Variants in DAB1 observed in about 807,000 individuals in gnomAD.
DAB1 encodes the protein disabled homolog 1.
A neutral mutation model predicts 64.6 loss-of-function variants in DAB1; 15 were observed. The observed-to-expected ratio is 0.23, with a 90% CI of 0.16 to 0.36. The LOEUF (loss-of-function observed/expected upper bound fraction) is 0.36. Ranked by LOEUF, DAB1 falls within the 10% of genes least tolerant of loss-of-function variation. DAB1 has a pLI of 1.00. For missense variants in DAB1, 596 were observed against 706.7 expected (o/e 0.84, Z 1.78); for synonymous variants, 235 against 251.9 (o/e 0.93, Z 0.64).
intron 7 of DAB1, among the ~76,000 whole-genome samples, chr1:57,451,555 A>G (rs1570533038): frequency 6.6e-6 from 1 of 152,246 alleles, no homozygotes; most frequent in Admixed American, 6.5e-5. Context: ...TCTCATGCAC[A>G]TTAAGTTTGA....
At position 58,220,734 on chromosome 1, in the gene DAB1, T is replaced by C. The variant is rs546767640; in HGVS notation, n.310-70146A>G. On this transcript the variant is annotated intron_variant and non_coding_transcript_variant, in intron 4 of 20. Coordinates refer to the DAB1 transcript ENST00000485760. Reference sequence around the variant, plus strand: ...TAAAATGGAGATAATGTTACCCTTATTATAGAGTTTCTGGGATAATTCAAT... The same window carrying C: ...TAAAATGGAGATAATGTTACCCTTACTATAGAGTTTCTGGGATAATTCAAT... Among the ~76,000 whole-genome samples, 8 of 152,228 alleles carry C rather than the reference T, an allele frequency of 5.3e-5. No homozygotes were observed. In the South Asian group the frequency reaches 1.7e-3, roughly 32 times the overall value.
intron 6 of DAB1, among the ~76,000 whole-genome samples, chr1:57,665,863 G>C (rs1423705811): frequency 3.3e-5 from 5 of 150,068 alleles, no homozygotes; most frequent in Non-Finnish European, 5.9e-5. Flanking sequence ...GTGTGTGTGT[G>C]TGTGTGTGTG....
At chr1:57,741,605 G>C (rs1417641962) in intron 6 of DAB1, among the ~76,000 whole-genome samples, 1 of 152,358 alleles carries the variant, frequency 6.6e-6, no homozygotes, top group East Asian at 1.9e-4. Flanking sequence ...ATTTCTCAGA[G>C]AAGTAGGTGA....
intron 9 of DAB1, among the ~76,000 whole-genome samples, chr1:57,059,496 C>G (rs1212729764): frequency 6.6e-6 from 1 of 152,074 alleles, no homozygotes; most frequent in Non-Finnish European, 1.5e-5. Flanking sequence ...ATTTGTCTTT[C>G]TGGCTAAGGG....
At chr1:58,175,991 T>G (rs1015110191) in intron 4 of DAB1, among the ~76,000 whole-genome samples, 1 of 152,224 alleles carries the variant, frequency 6.6e-6, no homozygotes, top group African/African-American at 2.4e-5. Flanking sequence ...GAAGATCTAA[T>G]AGCACTGGGC....
intron 7 of DAB1, among the ~76,000 whole-genome samples, chr1:57,440,109 T>A (rs545551463): frequency 6.6e-6 from 1 of 152,208 alleles, no homozygotes; most frequent in Non-Finnish European, 1.5e-5. Context: ...TATTCTCATT[T>A]TTTGAAATTC....
chr1:57,575,902 G>A (rs1645244016), intron 7 of DAB1, among the ~76,000 whole-genome samples: 1 of 152,104 alleles, frequency 6.6e-6, no homozygotes, highest in Non-Finnish European at 1.5e-5. Flanking sequence ...TTGTACCTAG[G>A]TGGCATTACG....
chr1:57,511,479 C>G (rs1644404811), intron 7 of DAB1, among the ~76,000 whole-genome samples: 1 of 152,206 alleles, frequency 6.6e-6, no homozygotes, highest in Non-Finnish European at 1.5e-5. Context: ...TTAATCATAC[C>G]TAAAATAATA....
chr1:58,282,278 C>T (rs1384473037), intron 4 of DAB1, among the ~76,000 whole-genome samples: 1 of 152,142 alleles, frequency 6.6e-6, no homozygotes, highest in African/African-American at 2.4e-5. Flanking sequence ...CTGGTACTTC[C>T]TTATTCAGTA....
At chr1:58,128,896 A>G (rs2100690004) in intron 5 of DAB1, among the ~76,000 whole-genome samples, 1 of 149,428 alleles carries the variant, frequency 6.7e-6, no homozygotes, top group South Asian at 2.2e-4. Context: ...AATGTTCATC[A>G]AGGATATTGG....
At chr1:57,231,642 A>C (rs1354670433) in intron 2 of DAB1, among the ~76,000 whole-genome samples, 1 of 152,236 alleles carries the variant, frequency 6.6e-6, no homozygotes, top group Non-Finnish European at 1.5e-5. Flanking sequence ...TATTAACTGC[A>C]TATTAAAGAT....
At chr1:58,159,886 A>T (rs1655429138) in intron 4 of DAB1, among the ~76,000 whole-genome samples, 2 of 152,190 alleles carry the variant, frequency 1.3e-5, no homozygotes, top group Admixed American at 6.5e-5. Context: ...AGAGTTAAGG[A>T]GAGAAGGCAA....
intron 4 of DAB1, among the ~76,000 whole-genome samples, chr1:57,084,184 C>T (rs1334091116): frequency 1.3e-5 from 2 of 152,138 alleles, no homozygotes; most frequent in Non-Finnish European, 2.9e-5. Flanking sequence ...TACAGGGTGG[C>T]CCACTGATTC....
At chr1:57,378,566 T>C (rs951720990) in intron 1 of DAB1, among the ~76,000 whole-genome samples, 4 of 152,188 alleles carry the variant, frequency 2.6e-5, no homozygotes, top group African/African-American at 9.7e-5. Flanking sequence ...CTGTATAAGA[T>C]ATTAAGTTAT....
intron 5 of DAB1, among the ~76,000 whole-genome samples, chr1:57,941,064 A>G (rs1014636923): frequency 6.6e-6 from 1 of 152,248 alleles, no homozygotes; most frequent in Admixed American, 6.5e-5. Flanking sequence ...ATGAATATTC[A>G]TGAGTCTGGA....
At chr1:57,158,258 TA>T (rs1170556875) in intron 2 of DAB1, among the ~76,000 whole-genome samples, 1 of 152,168 alleles carries the variant, frequency 6.6e-6, no homozygotes, top group Non-Finnish European at 1.5e-5. Context: ...GGCCCAAAGC[TA>T]ACCATAGCAA....
At chr1:57,282,208 A>G (rs1205353678) in intron 2 of DAB1, among the ~76,000 whole-genome samples, 1 of 103,288 alleles carries the variant, frequency 9.7e-6, no homozygotes, top group Admixed American at 1.3e-4. Context: ...AAAAAAAAAA[A>G]AAAACAGGTG....
rs147655723 is a variant in DAB1 at position 57,019,888 on chromosome 1, C to T, written c.895+3643G>A. Among the ~76,000 whole-genome samples, 463 of 152,300 alleles carry T rather than the reference C, an allele frequency of 3.0e-3. 2 individuals carry two copies. Among genetic ancestry groups the T allele is most frequent in the African/African-American group, 0.01 (428 of 41,556 alleles). Reference sequence around the variant, plus strand: ...TGTGATTTACAGCCAGATGCTGACACCTGGGGATGCCCCCATTATTTGAAA... The same window carrying T: ...TGTGATTTACAGCCAGATGCTGACATCTGGGGATGCCCCCATTATTTGAAA... On this transcript the variant is annotated intron_variant, in intron 11 of 14. Transcript: ENST00000371236.
chr1:57,581,532 C>G (rs59651331), intron 7 of DAB1, among the ~76,000 whole-genome samples: 1,815 of 152,150 alleles, frequency 0.012, 52 homozygotes, highest in African/African-American at 0.042. Context: ...CTAAACCTCT[C>G]TCGTTCTCAG....
Sources: allele counts gnomAD v4.1 joint callset (sites outside exome capture counted in the v4.1 genomes callset), GRCh38; gene constraint gnomAD v4.1.1; transcripts MANE v1.5; gene names NCBI Gene and HGNC (gene_info 2026-07-23, HGNC 2026-07-21).